Variants in FMNL3 observed in about 807,000 individuals in gnomAD.
The protein encoded by FMNL3 is formin like 3.
FMNL3 carries 57 observed loss-of-function variants against 119.6 expected under a neutral mutation model. The ratio of observed to expected loss-of-function variants is 0.48; its 90% CI spans 0.39 to 0.59. FMNL3 has a LOEUF of 0.59. Among genes scored for constraint, FMNL3 ranks in the 20% least tolerant of loss-of-function variants. FMNL3 has a pLI of 0.00. For synonymous variants in FMNL3, 491 were observed against 507.3 expected, an observed-to-expected ratio of 0.97 and a Z score of 0.43; for missense variants, 1,053 against 1,323.5, an observed-to-expected ratio of 0.80 and a Z score of 3.17.
chr12:49,690,681 C>T (rs1430070252), intron 1 of FMNL3, among the ~76,000 whole-genome samples: 2 of 152,216 alleles, frequency 1.3e-5, no homozygotes, highest in African/African-American at 2.4e-5. Flanking sequence ...CAAAGGAGAA[C>T]TTGTTCGGTA....
In FMNL3 at chr12:49,642,024, T is replaced by C; in HGVS notation, c.*3791A>G. 3 of 1,612,136 alleles carry C rather than the reference T, an allele frequency of 1.9e-6. No homozygotes were observed. The highest frequency in any genetic ancestry group is 2.5e-6 in the Non-Finnish European group (3 of 1,179,898). On this transcript the variant is annotated 3_prime_UTR_variant, in exon 26 of 26. Transcript: ENST00000335154. This position sits in a 1 kb window ranked among gnomAD's most constrained non-coding sequence, Gnocchi z 5.8. ...GCAACATCAAGCTGACCTTCAATAGTGTGAGGGGCTGGGCGGGGCGTGGGA... is the reference window on the plus strand; with the variant it reads ...GCAACATCAAGCTGACCTTCAATAGCGTGAGGGGCTGGGCGGGGCGTGGGA...
chr12:49,676,422 C>G (rs1157884477), intron 1 of FMNL3, among the ~76,000 whole-genome samples: 1 of 151,806 alleles, frequency 6.6e-6, no homozygotes, highest in Admixed American at 6.6e-5. Context: ...CATGAAGTGA[C>G]CTTGGAAATG....
rs190548710 is a variant in FMNL3, at chr12:49,648,340, G to C, written c.2529C>G (p.Asn843Lys). 6.2e-7 allele frequency: 1 copy of C among 1,611,948 alleles called. No homozygotes were observed. Among genetic ancestry groups the C allele is most frequent in the Middle Eastern group, 1.7e-4 (1 of 6,040 alleles). ...VEKAAAVSLE[N>K]VLLDVKELGR... is the part of the protein sequence containing the mutation. ...CCAGCTCCTTCACGTCCAGCAGCAC[G>C]TTCTCCAGGGACACTGGTCACCAAA... The change falls in exon 22 of 26, where the codon AAC becomes AAG. Residue 843 changes from asparagine to lysine, a missense_variant. Physicochemically the swap from Asn to Lys is moderately conservative, Grantham distance 94. Coordinates refer to ENST00000335154, the MANE Select transcript of FMNL3 (RefSeq NM_175736.5).
intron 1 of FMNL3, among the ~76,000 whole-genome samples, chr12:49,687,330 G>C (rs1171971278): frequency 1.6e-5 from 2 of 127,332 alleles, no homozygotes; most frequent in African/African-American, 3.3e-5. Flanking sequence ...TTGACCTCGT[G>C]ATCTGCCCAC....
In FMNL3 at chr12:49,647,710, G is replaced by T; in HGVS notation, c.2771C>A (p.Ser924Tyr). The T allele has an allele frequency of 6.2e-7, 1 of 1,613,962 alleles. No homozygotes were observed. The change falls in exon 23 of 26, where the codon TCT (serine) becomes TAT (tyrosine). Residue 924 changes from serine to tyrosine, a missense_variant. This residue lies in a region of FMNL3 where 324 missense variants were observed against 380.9 expected (regional missense o/e 0.85). Transcript: ENST00000335154. The surrounding 1 kb of genome is among the most constrained non-coding windows in gnomAD (Gnocchi z 4.9). ...AAGCTCTCTGCAGCTTACCTTGTAA[G>T]AACGAATGAATCGGACAAATACTGG... ...FFPVFVRFIR[S>Y]YKEAEQENEA...
chr12:49,661,595 G>A (rs1203095165), intron 5 of FMNL3: 1 of 185,504 alleles, frequency 5.4e-6, no homozygotes. Context: ...GCTTCTGGAA[G>A]ACTCAACTCT....
At chr12:49,696,733 T>G (rs769128801) in intron 1 of FMNL3, among the ~76,000 whole-genome samples, 1 of 152,182 alleles carries the variant, frequency 6.6e-6, no homozygotes, top group African/African-American at 2.4e-5. Flanking sequence ...TTAATCAAAG[T>G]TAAACTGTCC....
Position 49,645,896 on chromosome 12 carries a change from G to A in FMNL3, c.3003C>T (p.His1001=). 1.2e-6 allele frequency: 2 copies of A among 1,612,502 alleles called. No individual in the cohort carries two copies. Among genetic ancestry groups the A allele is most frequent in the East Asian group, 2.2e-5 (1 of 44,722 alleles). The change falls in exon 26 of 26, where the codon CAC becomes CAT. Residue 1001 remains histidine, a synonymous_variant. Transcript: ENST00000335154. ...GTIEDIITGL[H]CQPMVVRHQA... is the part of the protein sequence containing the mutation. ...GGTGGCGAACAACCATAGGCTGGCA[G>A]TGGAGGCCTGTGGGGGAAGAGAGAG... is the stretch of plus-strand genomic sequence containing the variant.
At position 49,707,228 on chromosome 12, in the gene FMNL3, G is replaced by A; in HGVS notation, c.-48C>T. The A allele has an allele frequency of 7.0e-7, 1 of 1,435,668 alleles. No individual in the cohort carries two copies. Among genetic ancestry groups the A allele is most frequent in the Non-Finnish European group, 9.1e-7 (1 of 1,097,446 alleles). The allele number at this position is 1,435,668 out of a possible 1,614,324, so 88.9% of individuals were successfully genotyped here. ...CCTCGGCCCCCCACCTCCACGCTCCGGAGCTTTCGGCTCCGCGGCTCCGAC... is the reference window on the plus strand; with the variant it reads ...CCTCGGCCCCCCACCTCCACGCTCCAGAGCTTTCGGCTCCGCGGCTCCGAC... On this transcript the variant is annotated 5_prime_UTR_variant, in exon 1 of 26. Coordinates refer to ENST00000335154, the MANE Select transcript of FMNL3 (RefSeq NM_175736.5).
chr12:49,696,591 G>T (rs1015330593), intron 1 of FMNL3, among the ~76,000 whole-genome samples: 3 of 152,158 alleles, frequency 2.0e-5, no homozygotes, highest in Admixed American at 2.0e-4. Context: ...TCTGAAGTTG[G>T]TTGAATCCAC....
Position 49,637,658 on chromosome 12 carries a change from G to T in FMNL3, c.*8157C>A, listed in dbSNP as rs1942024929. On this transcript the variant is annotated 3_prime_UTR_variant, in exon 26 of 26. Transcript: ENST00000335154. ...AGCCTCTCTGCACCCCCTACTACCG[G>T]CTCCTGTCCTCGGCCCAGCCCCCAG... 4 of 1,558,536 alleles carry T rather than the reference G, an allele frequency of 2.6e-6. No homozygotes were observed. Among genetic ancestry groups the T allele is most frequent in the Non-Finnish European group, 2.6e-6 (3 of 1,134,884 alleles).
In FMNL3 at chr12:49,646,959, C is replaced by T. The variant is rs772473263; in HGVS notation, c.2922G>A (p.Leu974=). The part of the protein sequence containing the change: ...KWQQQELIAE[L]RRRQAKEHRP... The stretch of plus-strand genomic sequence containing the variant: ...GGTGTTCCTTGGCCTGGCGCCGCCT[C>T]AACTCTGCTATTAACTCCTGCTGTT... The change falls in exon 25 of 26, where the codon TTG becomes TTA. Residue 974 remains leucine (L), a synonymous_variant. Coordinates refer to ENST00000335154, the MANE Select transcript of FMNL3 (RefSeq NM_175736.5). 9 of 1,614,008 alleles carry T rather than the reference C, an allele frequency of 5.6e-6. No individual in the cohort carries two copies. The highest frequency in any genetic ancestry group is 3.3e-5 in the Admixed American group (2 of 59,998).
intron 1 of FMNL3, among the ~76,000 whole-genome samples, chr12:49,706,642 G>A (rs1019647116): frequency 2.0e-5 from 3 of 152,204 alleles, no homozygotes; most frequent in African/African-American, 7.2e-5. Flanking sequence ...TCCCCACTCA[G>A]GGAAGCCTGC....
At chr12:49,699,056 A>G (rs1389213078) in intron 1 of FMNL3, among the ~76,000 whole-genome samples, 2 of 152,100 alleles carry the variant, frequency 1.3e-5, no homozygotes, top group Non-Finnish European at 2.9e-5. Context: ...ACCGCGATGA[A>G]CCCCTAGCCT....
chr12:49,656,472 G>C lies in FMNL3; in HGVS notation c.817C>G (p.Leu273Val), dbSNP rs1267358985. ...PRTKALVLEL[L>V]AAVCLVRGGH... ...CCTCGCACCAAACACACAGCTGCCA[G>C]AAGCTCTAAGACAAGGGCTTTGGTC... is the stretch of plus-strand genomic sequence containing the variant. The change falls in exon 9 of 26, where the codon CTG becomes GTG. Residue 273 changes from leucine to valine, a missense_variant. Physicochemically the swap from Leu to Val is conservative, Grantham distance 32 (BLOSUM62 1). Transcript: ENST00000335154. 1.9e-6 allele frequency: 3 copies of C among 1,614,118 alleles called. No individual in the cohort carries two copies. Among genetic ancestry groups the C allele is most frequent in the Non-Finnish European group, 2.5e-6 (3 of 1,179,990 alleles).
intron 1 of FMNL3, among the ~76,000 whole-genome samples, chr12:49,673,417 T>C (rs1592671794): frequency 6.6e-6 from 1 of 152,158 alleles, no homozygotes; most frequent in South Asian, 2.1e-4. Flanking sequence ...CCACTAGGAT[T>C]CCCCTCACAA....
At chr12:49,691,268 A>G (rs1316854461) in intron 1 of FMNL3, among the ~76,000 whole-genome samples, 1 of 152,224 alleles carries the variant, frequency 6.6e-6, no homozygotes, top group East Asian at 1.9e-4. Context: ...ATTATCACAC[A>G]ATAAATGTTA....
rs1268035004 is a variant in FMNL3, at chr12:49,680,087, G to T, written c.127-11533C>A. ...TTTGCCTTGAATACACTTGTTCCTA[G>T]CAAGTATGCCTGGCACACAGAAAAA... On this transcript the variant is annotated intron_variant, in intron 1 of 25. Coordinates refer to ENST00000335154, the MANE Select transcript of FMNL3 (RefSeq NM_175736.5). Among the ~76,000 whole-genome samples the T allele has an allele frequency of 6.6e-5, 10 of 152,138 alleles. 1 individual carries two copies. Among genetic ancestry groups the T allele is most frequent in the Non-Finnish European group, 1.5e-4 (10 of 68,028 alleles).
At chr12:49,665,063 A>G (rs1450081880) in intron 4 of FMNL3, among the ~76,000 whole-genome samples, 2 of 152,076 alleles carry the variant, frequency 1.3e-5, no homozygotes, top group African/African-American at 4.8e-5. Flanking sequence ...ACACATACGC[A>G]CACATATACA....
Sources: gnomAD v4.1 joint callset for allele counts (sites outside exome capture counted in the v4.1 genomes callset) on GRCh38, gnomAD v4.1.1 for gene constraint, gnomAD v4.1.1 regional missense constraint, Gnocchi (gnomAD v3.1) non-coding constraint, MANE v1.5 for transcripts, NCBI Gene and HGNC (gene_info 2026-07-23, HGNC 2026-07-21) for gene names.